BICRAL: variants seen among roughly 807,000 people sequenced by gnomAD.
BICRAL encodes BICRA like chromatin remodeling complex associated protein.
BICRAL carries 8 observed loss-of-function variants against 91.8 expected under a neutral mutation model. The observed-to-expected ratio is 0.09, with a 90% CI of 0.05 to 0.16. The LOEUF (loss-of-function observed/expected upper bound fraction) is 0.16. Among genes scored for constraint, BICRAL ranks in the 10% least tolerant of loss-of-function variants. BICRAL has a pLI of 1.00. For synonymous variants in BICRAL, 445 were observed against 491.1 expected, an observed-to-expected ratio of 0.91 and a Z score of 1.24; for missense variants, 1,038 against 1,310.9, an observed-to-expected ratio of 0.79 and a Z score of 3.21.
At chr6:42,783,366 G>C (rs1300000460) in intron 1 of BICRAL, among the ~76,000 whole-genome samples, 2 of 152,116 alleles carry the variant, frequency 1.3e-5, no homozygotes, top group Non-Finnish European at 2.9e-5. Context: ...ATTTTTGGCC[G>C]AGTGCGCGCG....
At chr6:42,767,152 CAAAGAAAGAA>C (rs1473594205) in intron 1 of BICRAL, among the ~76,000 whole-genome samples, 1 of 151,334 alleles carries the variant, frequency 6.6e-6, no homozygotes, top group Non-Finnish European at 1.5e-5. Context: ...GCCTCTGTCT[CAAAGAAAGAA>C]AGAGAAAGAA....
At chr6:42,856,227 G>A (rs1414706804) in intron 9 of BICRAL, among the ~76,000 whole-genome samples, 1 of 151,796 alleles carries the variant, frequency 6.6e-6, no homozygotes, top group Non-Finnish European at 1.5e-5. Context: ...TGAGGTGGGA[G>A]GATAGCTTGA....
rs188624102 is a variant in BICRAL at position 42,811,514 on chromosome 6, G to A, written c.-6+1113G>A. On this transcript the variant is annotated intron_variant, in intron 2 of 12. Coordinates refer to ENST00000314073, the MANE Select transcript of BICRAL (RefSeq NM_001393499.1). ...CGCACGCCTGTAATCCCAGCTACTC[G>A]GGAGGCTGAGGCAGGAGAATCACTT... is the stretch of plus-strand genomic sequence containing the variant. 3.1e-4 allele frequency among the ~76,000 whole-genome samples: 47 copies of A among 152,158 alleles called. No individual in the cohort carries two copies. In the Middle Eastern group the frequency reaches 0.01, roughly 33 times the overall value.
At chr6:42,786,813 C>G (rs906346895) in intron 1 of BICRAL, among the ~76,000 whole-genome samples, 6 of 152,114 alleles carry the variant, frequency 3.9e-5, no homozygotes, top group Non-Finnish European at 5.9e-5. Flanking sequence ...GTTCAAAGAC[C>G]TGGAAGGCTG....
At position 42,807,422 on chromosome 6, in the gene BICRAL, A is replaced by T. The variant is rs1582833472; in HGVS notation, c.-101-2884A>T. On this transcript the variant is annotated intron_variant, in intron 1 of 12. Transcript: ENST00000314073. ...ATGGTCTCGATCTCCTGACCTTGTG[A>T]TCCGTCCGTCTCAGCCTCCCAAAGT... Among the ~76,000 whole-genome samples, 4 of 151,688 alleles carry T rather than the reference A, an allele frequency of 2.6e-5. No individual in the cohort carries two copies. The East Asian group carries it at 7.8e-4, about 30-fold the overall frequency.
At chr6:42,817,950 T>G (rs1441928093) in intron 2 of BICRAL, among the ~76,000 whole-genome samples, 1 of 114,242 alleles carries the variant, frequency 8.8e-6, no homozygotes, top group Non-Finnish European at 1.7e-5. Flanking sequence ...CTGGGCAACA[T>G]AGAGAGACCC....
At chr6:42,836,302 G>A (rs909662941) in intron 6 of BICRAL, among the ~76,000 whole-genome samples, 2 of 152,020 alleles carry the variant, frequency 1.3e-5, no homozygotes, top group Non-Finnish European at 2.9e-5. Flanking sequence ...AGGGAGGGGG[G>A]AGAAAAATAC....
chr6:42,852,395 C>T (rs1230336834), intron 7 of BICRAL, 198 bp downstream of exon 7: 3 of 673,564 alleles, frequency 4.5e-6, no homozygotes, highest in Non-Finnish European at 8.2e-6. Flanking sequence ...GGCACGGTGG[C>T]TCACGCCTGT....
At chr6:42,844,048 C>G (rs1441990979) in intron 6 of BICRAL, among the ~76,000 whole-genome samples, 1 of 149,452 alleles carries the variant, frequency 6.7e-6, no homozygotes, top group Non-Finnish European at 1.5e-5. Flanking sequence ...GTGATCCGCC[C>G]GCCTCGGCCT....
Position 42,866,963 on chromosome 6 carries a change from A to G in BICRAL, c.*1517A>G. The G allele has an allele frequency of 2.3e-6, 1 of 436,030 alleles. No individual in the cohort carries two copies. The highest frequency in any genetic ancestry group is 4.6e-6 in the Non-Finnish European group (1 of 215,828). 27.0% of individuals were successfully genotyped at this position (436,030 alleles called of 1,614,324 possible). A position where few individuals can be genotyped will look rare whatever the true frequency, so the allele number is the denominator to read the frequency against. On this transcript the variant is annotated 3_prime_UTR_variant, in exon 13 of 13. Transcript: ENST00000314073. Reference sequence around the variant, plus strand: ...ATGTATCTGAGCTGCTCGGATCCAGAGGTCATTTTTGTTACAGTGTGTGCA... The same window carrying G: ...ATGTATCTGAGCTGCTCGGATCCAGGGGTCATTTTTGTTACAGTGTGTGCA...
chr6:42,799,024 A>G (rs1763493687), intron 1 of BICRAL, among the ~76,000 whole-genome samples: 1 of 152,176 alleles, frequency 6.6e-6, no homozygotes, highest in South Asian at 2.1e-4. Context: ...TGCAGAACCC[A>G]TGAATATGGA....
chr6:42,752,915 T>TA (rs2113820096), intron 1 of BICRAL, among the ~76,000 whole-genome samples: 1 of 142,708 alleles, frequency 7.0e-6, no homozygotes, highest in South Asian at 2.2e-4. Flanking sequence ...CAGCTGACTT[T>TA]TTTTTTTTTT....
rs866022971 is a variant in BICRAL, at chr6:42,755,383, T to A, written c.-261+8360T>A. On this transcript the variant is annotated intron_variant, in intron 1 of 14. Coordinates refer to the BICRAL transcript ENST00000614467. ...CCTGGAAGGTGGTGTCTCTGAAGAG[T>A]CTGGGCTTGACTCCTGCAGCCCCTC... Among the ~76,000 whole-genome samples, 7 of 152,150 alleles carry A rather than the reference T, an allele frequency of 4.6e-5. No individual in the cohort carries two copies. The Middle Eastern group carries it at 0.01, about 222-fold the overall frequency.
chr6:42,829,960 G>A lies in BICRAL; in HGVS notation c.1627G>A (p.Val543Ile), dbSNP rs767746813. Residue 543 changes from valine (V) to isoleucine (I), a missense_variant, in exon 6 of 13, where the codon GTC becomes ATC. Transcript: ENST00000314073. Reference protein sequence around the residue: ...SMSGPSRFPAVSSASTAHPSL... With the variant: ...SMSGPSRFPAISSASTAHPSL... ...GTCAGGACCTAGTCGGTTCCCTGCTGTCAGCTCAGCCAGCACTGCCCATCC... is the reference window on the plus strand; with the variant it reads ...GTCAGGACCTAGTCGGTTCCCTGCTATCAGCTCAGCCAGCACTGCCCATCC... 7.4e-6 allele frequency: 12 copies of A among 1,614,242 alleles called. No individual in the cohort carries two copies. Among genetic ancestry groups the A allele is most frequent in the South Asian group, 4.4e-5 (4 of 91,088 alleles).
intron 2 of BICRAL, among the ~76,000 whole-genome samples, chr6:42,818,986 C>A (rs1764067300): frequency 6.6e-6 from 1 of 152,302 alleles, no homozygotes; most frequent in South Asian, 2.1e-4. Flanking sequence ...CCCTTCCCTC[C>A]ACGACAAATC....
intron 2 of BICRAL, among the ~76,000 whole-genome samples, chr6:42,811,949 C>T (rs187640830): frequency 2.2e-4 from 34 of 152,106 alleles, no homozygotes; most frequent in African/African-American, 8.2e-4. Context: ...TAAAAGCAAT[C>T]CTTAAAAGGA....
intron 1 of BICRAL, among the ~76,000 whole-genome samples, chr6:42,801,027 C>A (rs951961442): frequency 1.3e-5 from 2 of 151,962 alleles, no homozygotes; most frequent in Non-Finnish European, 2.9e-5. Flanking sequence ...CCCAGGTGGG[C>A]AGATCACCTG....
chr6:42,783,762 G>A (rs537820009), intron 1 of BICRAL, among the ~76,000 whole-genome samples: 294 of 152,338 alleles, frequency 1.9e-3, no homozygotes, highest in Non-Finnish European at 2.9e-3. Context: ...GCTGGGGGTC[G>A]AGCCTCGCGG....
chr6:42,772,287 T>C (rs1213938581), intron 1 of BICRAL, among the ~76,000 whole-genome samples: 1 of 152,186 alleles, frequency 6.6e-6, no homozygotes, highest in Non-Finnish European at 1.5e-5. Flanking sequence ...GAAATGTGTT[T>C]CTTGGGATTG....
Sources: gnomAD v4.1 joint callset for allele counts (sites outside exome capture counted in the v4.1 genomes callset) on GRCh38, gnomAD v4.1.1 for gene constraint, MANE v1.5 for transcripts, NCBI Gene and HGNC (gene_info 2026-07-23, HGNC 2026-07-21) for gene names.